CDKL5: variants seen among roughly 807,000 people sequenced by gnomAD.
The protein encoded by CDKL5 is cyclin-dependent kinase-like 5.
CDKL5 carries 8 observed loss-of-function variants against 61.7 expected under a neutral mutation model. The observed-to-expected ratio is 0.13, with a 90% CI of 0.08 to 0.23. The LOEUF (loss-of-function observed/expected upper bound fraction) is 0.23, where lower values mean the gene tolerates loss of function less well. Ranked by LOEUF, CDKL5 falls within the 10% of genes least tolerant of loss-of-function variation. The probability of loss-of-function intolerance (pLI) is 1.00; values close to 1 mark genes in which losing one functional copy is unlikely to be tolerated. For missense variants in CDKL5, 440 were observed against 734.5 expected, an observed-to-expected ratio of 0.60 and a Z score of 4.63; for synonymous variants, 275 against 272.3, an observed-to-expected ratio of 1.01 and a Z score of -0.10.
At chrX:18,597,539 G>A (rs192478474) in intron 10 of CDKL5, among the ~76,000 whole-genome samples, 1 of 102,948 alleles carries the variant, frequency 9.7e-6, no homozygotes. Context: ...TGTAAAAGAA[G>A]AAACTTTAAA....
chrX:18,569,931 C>T (rs767780456), intron 4 of CDKL5, among the ~76,000 whole-genome samples: 12 of 111,210 alleles, frequency 1.1e-4, no homozygotes. Flanking sequence ...ACTTGCATTT[C>T]GTATTCTGCT....
chrX:18,634,544 C>T lies in CDKL5; in HGVS notation c.*5787C>T, dbSNP rs1294902721. 17 of 752,552 alleles carry T rather than the reference C, an allele frequency of 2.3e-5. No homozygotes were observed. The Admixed American group carries it at 2.6e-4, about 12-fold the overall frequency. The allele number at this position is 752,552 out of a possible 1,213,427, so 62.0% of individuals were successfully genotyped here. A position where few individuals can be genotyped will look rare whatever the true frequency, so the allele number is the denominator to read the frequency against. ...GAATGTGTAAGTAAGTTCTCCAGCA[C>T]GGCTTAGGTTTTCCAAAATGGAAAG... is the stretch of plus-strand genomic sequence containing the variant. On this transcript the variant is annotated 3_prime_UTR_variant, in exon 18 of 18. Coordinates refer to ENST00000623535, the MANE Select transcript of CDKL5 (RefSeq NM_001323289.2).
Position 18,629,288 on chromosome X carries a change from T to G in CDKL5, c.*531T>G. ...CATATTTGATAGGATTTGTAACATT[T>G]ATTTATAATTAATATTGTACTGTTA... On this transcript the variant is annotated 3_prime_UTR_variant, in exon 18 of 18. Coordinates refer to ENST00000623535, the MANE Select transcript of CDKL5 (RefSeq NM_001323289.2). 1.5e-6 allele frequency: 1 copy of G among 655,567 alleles called. No individual in the cohort carries two copies. Among genetic ancestry groups the G allele is most frequent in the African/African-American group, 2.4e-5 (1 of 41,912 alleles). The allele number at this position is 655,567 out of a possible 1,213,427, so 54.0% of individuals were successfully genotyped here. A position where few individuals can be genotyped will look rare whatever the true frequency, so the allele number is the denominator to read the frequency against.
At position 18,632,750 on chromosome X, in the gene CDKL5, T is replaced by C. The variant is rs1176197967; in HGVS notation, c.*3993T>C. ...GTTGTGGTTGTAGAGTTAGCCAGTT[T>C]AGCATGTTCCTAATCTGAGAATTAG... On this transcript the variant is annotated 3_prime_UTR_variant, in exon 18 of 18. Transcript: ENST00000623535. 1.6e-5 allele frequency: 12 copies of C among 753,094 alleles called. No homozygotes were observed. The highest frequency in any genetic ancestry group is 1.9e-5 in the Non-Finnish European group (12 of 639,161). 62.1% of individuals were successfully genotyped at this position (753,094 alleles called of 1,213,427 possible). A position where few individuals can be genotyped will look rare whatever the true frequency, so the allele number is the denominator to read the frequency against.
chrX:18,559,303 G>A (rs1306572100), intron 3 of CDKL5, among the ~76,000 whole-genome samples: 3 of 111,750 alleles, frequency 2.7e-5, no homozygotes, highest in African/African-American at 9.8e-5. Context: ...CTGCCTCCTG[G>A]GTTCCAGCGA....
At chrX:18,447,359 G>A (rs1023940371) in intron 1 of CDKL5, among the ~76,000 whole-genome samples, 1 of 111,166 alleles carries the variant, frequency 9.0e-6, no homozygotes, top group Admixed American at 9.7e-5. Flanking sequence ...TGAACCACAT[G>A]TCCAATCCTC....
Position 18,629,642 on chromosome X carries a change from C to T in CDKL5, c.*885C>T. On this transcript the variant is annotated 3_prime_UTR_variant, in exon 18 of 18. Coordinates refer to ENST00000623535, the MANE Select transcript of CDKL5 (RefSeq NM_001323289.2). ...TGAACCTTGCTCAACTTTGAGGCCC[C>T]AGCAGTAGCCTCTAGACATGATCCT... is the stretch of plus-strand genomic sequence containing the variant. 1.3e-6 allele frequency: 1 copy of T among 753,926 alleles called. No individual in the cohort carries two copies. The highest frequency in any genetic ancestry group is 1.6e-6 in the Non-Finnish European group (1 of 639,264). The allele number at this position is 753,926 out of a possible 1,213,427, so 62.1% of individuals were successfully genotyped here. A position where few individuals can be genotyped will look rare whatever the true frequency, so the allele number is the denominator to read the frequency against.
chrX:18,641,167 G>A (rs1602308170), downstream of CDKL5: 1 of 112,218 alleles, frequency 8.9e-6, no homozygotes, highest in African/African-American at 3.2e-5. Context: ...GGTAGCCCTA[G>A]GTAAAGGGCA....
At chrX:18,532,094 A>G (rs1475606759) in intron 3 of CDKL5, among the ~76,000 whole-genome samples, 1 of 112,403 alleles carries the variant, frequency 8.9e-6, no homozygotes, top group African/African-American at 3.2e-5. Context: ...TTTACATTTT[A>G]AAATTGGAAA....
intron 1 of CDKL5, among the ~76,000 whole-genome samples, chrX:18,443,405 C>CATGTA (rs1931799216): frequency 8.9e-6 from 1 of 111,739 alleles, no homozygotes; most frequent in East Asian, 2.8e-4. Context: ...CATAGGTAAA[C>CATGTA]ACATGTCACA....
intron 3 of CDKL5, among the ~76,000 whole-genome samples, chrX:18,518,221 A>G (rs1327051156): frequency 1.8e-5 from 2 of 108,548 alleles, no homozygotes; most frequent in Non-Finnish European, 3.8e-5. Flanking sequence ...GACATCATAA[A>G]GTAAAATTCA....
chrX:18,467,085 A>G (rs1047020921), intron 1 of CDKL5, among the ~76,000 whole-genome samples: 2 of 111,755 alleles, frequency 1.8e-5, no homozygotes, highest in Non-Finnish European at 3.8e-5. Flanking sequence ...TACTCTGAAT[A>G]TGAACCTGTA....
chrX:18,557,812 G>A, intron 3 of CDKL5, among the ~76,000 whole-genome samples: 1 of 112,055 alleles, frequency 8.9e-6, no homozygotes, highest in East Asian at 2.8e-4. Context: ...TAGACAGTCA[G>A]CAACGCAAGT....
chrX:18,461,177 G>C (rs3819623), intron 1 of CDKL5, among the ~76,000 whole-genome samples: 1 of 111,905 alleles, frequency 8.9e-6, no homozygotes, highest in African/African-American at 3.3e-5. Flanking sequence ...TTTTTGTACC[G>C]GTCTTTTGGT....
intron 5 of CDKL5, among the ~76,000 whole-genome samples, chrX:18,575,866 A>G (rs1380330374): frequency 9.0e-6 from 1 of 111,598 alleles, no homozygotes; most frequent in Non-Finnish European, 1.9e-5. Context: ...ACTGAATCAG[A>G]CCTAGGCTGG....
intron 21 of CDKL5, chrX:18,653,310 G>T: frequency 5.3e-6 from 6 of 1,142,529 alleles, no homozygotes; most frequent in Non-Finnish European, 7.0e-6. Context: ...TTAAAGTGAA[G>T]ATTAGGAGGC....
At chrX:18,538,075 A>T (rs1923904034) in intron 3 of CDKL5, among the ~76,000 whole-genome samples, 1 of 112,036 alleles carries the variant, frequency 8.9e-6, no homozygotes, top group Non-Finnish European at 1.9e-5. Context: ...TGAGGAATCT[A>T]GTTTCTTCAC....
chrX:18,633,919 A>C lies in CDKL5; in HGVS notation c.*5162A>C. On this transcript the variant is annotated 3_prime_UTR_variant, in exon 18 of 18. Coordinates refer to ENST00000623535, the MANE Select transcript of CDKL5 (RefSeq NM_001323289.2). The stretch of plus-strand genomic sequence containing the variant: ...CATGACCCGCCTTGCATTTTCATTC[A>C]TCACCTGTTTATGCCCAAATTTAAA... 6.6e-6 allele frequency: 5 copies of C among 754,046 alleles called. No homozygotes were observed. Among genetic ancestry groups the C allele is most frequent in the Non-Finnish European group, 7.8e-6 (5 of 639,318 alleles). The allele number at this position is 754,046 out of a possible 1,213,427, so 62.1% of individuals were successfully genotyped here.
intron 20 of CDKL5, among the ~76,000 whole-genome samples, chrX:18,648,661 G>T (rs1485325563): frequency 8.9e-6 from 1 of 112,028 alleles, no homozygotes; most frequent in African/African-American, 3.2e-5. Context: ...CATAACTTCT[G>T]ACCAGTGAGA....
Sources: allele counts gnomAD v4.1 joint callset (sites outside exome capture counted in the v4.1 genomes callset), GRCh38; gene constraint gnomAD v4.1.1; transcripts MANE v1.5; gene names NCBI Gene and HGNC (gene_info 2026-07-23, HGNC 2026-07-21).